The following PCDHGA6 variants were observed in gnomAD, a reference collection of about 807,000 sequenced individuals.
PCDHGA6 encodes protocadherin gamma subfamily A, 6.
A neutral mutation model predicts 60.6 loss-of-function variants in PCDHGA6; 41 were observed. The ratio of observed to expected loss-of-function variants is 0.68; its 90% CI spans 0.53 to 0.88. The LOEUF (loss-of-function observed/expected upper bound fraction) is 0.88, where lower values mean the gene tolerates loss of function less well. Among genes scored for constraint, PCDHGA6 ranks in the 40% least tolerant of loss-of-function variants. The probability of loss-of-function intolerance (pLI) is 0.00; values close to 1 mark genes in which losing one functional copy is unlikely to be tolerated. For missense variants in PCDHGA6, 1,312 were observed against 1,203.0 expected (o/e 1.09, Z -1.34); for synonymous variants, 594 against 524.4 (o/e 1.13, Z -1.81).
chr5:141,491,316 T>C lies in PCDHGA6; in HGVS notation c.2425-3491T>C. The C allele has an allele frequency of 3.1e-6, 5 of 1,614,176 alleles. No homozygotes were observed. The highest frequency in any genetic ancestry group is 3.4e-6 in the Non-Finnish European group (4 of 1,180,004). ...CTCCTGAGCGTTCAGACCTTACCCT[T>C]TACCTCATTGTGGCTCTAGCGACCG... is the stretch of plus-strand genomic sequence containing the variant. On this transcript the variant is annotated intron_variant, in intron 1 of 3. Coordinates refer to ENST00000517434, the MANE Select transcript of PCDHGA6 (RefSeq NM_018919.3). The surrounding 1 kb of genome is among the most constrained non-coding windows in gnomAD (Gnocchi z 6.9).
Position 141,485,060 on chromosome 5 carries a change from G to T in PCDHGA6, c.2425-9747G>T. The T allele has an allele frequency of 1.2e-6, 1 of 862,304 alleles. No individual in the cohort carries two copies. 53.4% of individuals were successfully genotyped at this position (862,304 alleles called of 1,614,324 possible). ...ACCCTTGCGGCGCCGGCCGAACCGC[G>T]CCAGAGCTGGCGCGGGGAAAGGGAG... On this transcript the variant is annotated intron_variant, in intron 1 of 3. Coordinates refer to ENST00000517434, the MANE Select transcript of PCDHGA6 (RefSeq NM_018919.3). The surrounding 1 kb of genome is among the most constrained non-coding windows in gnomAD (Gnocchi z 5.7).
intron 1 of PCDHGA6, chr5:141,384,667 A>G: frequency 6.2e-7 from 1 of 1,614,186 alleles, no homozygotes. Context: ...CCTGGTGACC[A>G]AGGTGGTGGC....
intron 1 of PCDHGA6, among the ~76,000 whole-genome samples, chr5:141,458,380 G>T (rs1592559992): frequency 6.6e-6 from 1 of 152,136 alleles, no homozygotes; most frequent in African/African-American, 2.4e-5. Flanking sequence ...AAGAGAGAAG[G>T]AAGACGCTCC....
intron 1 of PCDHGA6, among the ~76,000 whole-genome samples, chr5:141,472,400 G>A (rs2099279115): frequency 6.6e-6 from 1 of 152,024 alleles, no homozygotes; most frequent in East Asian, 1.9e-4. Flanking sequence ...AATTAGCCAG[G>A]CGTGGTGGCA....
rs1562144438 is a variant in PCDHGA6, at chr5:141,491,135, G to A, written c.2425-3672G>A. On this transcript the variant is annotated intron_variant, in intron 1 of 3. Transcript: ENST00000517434. The surrounding 1 kb of genome is among the most constrained non-coding windows in gnomAD (Gnocchi z 6.9). Reference sequence around the variant, plus strand: ...CACACTGGTGAGGTGCGCACAGCCCGGGCCTTACTGGAGGATGACTCTGAC... The same window carrying A: ...CACACTGGTGAGGTGCGCACAGCCCAGGCCTTACTGGAGGATGACTCTGAC... 4 of 1,614,104 alleles carry A rather than the reference G, an allele frequency of 2.5e-6. No homozygotes were observed. The highest frequency in any genetic ancestry group is 1.3e-5 in the African/African-American group (1 of 75,034).
intron 1 of PCDHGA6, chr5:141,377,329 A>G (rs2150108230): frequency 6.6e-6 from 1 of 152,270 alleles, no homozygotes; most frequent in South Asian, 2.1e-4. Flanking sequence ...GGTTTTAGCT[A>G]GCATGGTGGT....
At chr5:141,417,602 C>G in intron 1 of PCDHGA6, 1 of 510,170 alleles carries the variant, frequency 2.0e-6, no homozygotes, top group Middle Eastern at 5.2e-4. Context: ...TGGGCGCCGC[C>G]GTCGGCCAGT....
At chr5:141,415,014 C>G (rs747951360) in intron 1 of PCDHGA6, 1 of 1,613,502 alleles carries the variant, frequency 6.2e-7, no homozygotes, top group African/African-American at 1.3e-5. Flanking sequence ...ACCGTCTGCT[C>G]AAGGCCAGCG....
At chr5:141,456,171 A>ACAGGCG (rs1443838766) in intron 1 of PCDHGA6, among the ~76,000 whole-genome samples, 2 of 152,096 alleles carry the variant, frequency 1.3e-5, no homozygotes, top group East Asian at 3.9e-4. Flanking sequence ...TGCTGGGATT[A>ACAGGCG]CAGAATAATT....
At chr5:141,429,387 T>A (rs372199649) in intron 1 of PCDHGA6, among the ~76,000 whole-genome samples, 4,783 of 151,430 alleles carry the variant, frequency 0.032, 106 homozygotes, top group African/African-American at 0.043. Context: ...GTTTTTTTTT[T>A]AAAAAAAATT....
chr5:141,490,618 A>G lies in PCDHGA6; in HGVS notation c.2425-4189A>G, dbSNP rs1463273520. On this transcript the variant is annotated intron_variant, in intron 1 of 3. Transcript: ENST00000517434. The surrounding 1 kb of genome is among the most constrained non-coding windows in gnomAD (Gnocchi z 5.4). ...ACCCCGCTTCAACCAGCAGCTTTAC[A>G]CTGCTTACATCCTAGAAAACCGGCC... 4.3e-6 allele frequency: 7 copies of G among 1,613,986 alleles called. No homozygotes were observed. Among genetic ancestry groups the G allele is most frequent in the Admixed American group, 1.7e-5 (1 of 59,996 alleles).
chr5:141,433,194 A>G (rs1170543558), intron 1 of PCDHGA6: 18 of 1,585,754 alleles, frequency 1.1e-5, no homozygotes, highest in Non-Finnish European at 1.5e-5. Context: ...GTGAGTTTAT[A>G]TCAAATCTTC....
chr5:141,394,321 C>G (rs11575959), intron 1 of PCDHGA6: 43,282 of 1,613,954 alleles, frequency 0.027, 850 homozygotes, highest in African/African-American at 0.092. Flanking sequence ...CCCCTGTCCT[C>G]GTATATCTCC....
chr5:141,390,064 C>T, intron 1 of PCDHGA6: 1 of 1,614,060 alleles, frequency 6.2e-7, no homozygotes. Flanking sequence ...TGCTTCCAGC[C>T]TGGTCTCTGT....
intron 1 of PCDHGA6, chr5:141,376,739 T>C (rs1773315413): frequency 8.0e-6 from 4 of 502,200 alleles, no homozygotes; most frequent in Non-Finnish European, 1.4e-5. Flanking sequence ...GACTGCGGAC[T>C]GCAGTGGCGC....
At position 141,490,558 on chromosome 5, in the gene PCDHGA6, A is replaced by G. The variant is rs765890709; in HGVS notation, c.2425-4249A>G. 3.1e-5 allele frequency: 50 copies of G among 1,614,042 alleles called. No individual in the cohort carries two copies. The East Asian group carries it at 1.0e-3, about 34-fold the overall frequency. ...ACCTTCCCTACACAAACATCTCACC[A>G]TCAGGCTCAACATTTCAGATGTCAA... On this transcript the variant is annotated intron_variant, in intron 1 of 3. Transcript: ENST00000517434. This position sits in a 1 kb window ranked among gnomAD's most constrained non-coding sequence, Gnocchi z 5.4.
At chr5:141,388,464 A>G (rs750047903) in intron 1 of PCDHGA6, 2 of 1,613,850 alleles carry the variant, frequency 1.2e-6, no homozygotes, top group South Asian at 2.2e-5. Flanking sequence ...ATACCCTGAG[A>G]TGGTATTGAA....
Position 141,431,615 on chromosome 5 carries a change from G to A in PCDHGA6, c.2424+55108G>A. 1.2e-6 allele frequency: 2 copies of A among 1,614,236 alleles called. No homozygotes were observed. Among genetic ancestry groups the A allele is most frequent in the Non-Finnish European group, 1.7e-6 (2 of 1,180,042 alleles). ...GAGGTATTCCTTCCGGTATGTGGACGACAAGGCGGCCCAAGTTTTCAAACT... is the reference window on the plus strand; with the variant it reads ...GAGGTATTCCTTCCGGTATGTGGACAACAAGGCGGCCCAAGTTTTCAAACT... On this transcript the variant is annotated intron_variant, in intron 1 of 3. Coordinates refer to ENST00000517434, the MANE Select transcript of PCDHGA6 (RefSeq NM_018919.3). The surrounding 1 kb of genome is among the most constrained non-coding windows in gnomAD (Gnocchi z 4.8).
At position 141,409,757 on chromosome 5, in the gene PCDHGA6, G is replaced by A; in HGVS notation, c.2424+33250G>A. The A allele has an allele frequency of 6.8e-6, 11 of 1,612,986 alleles. No individual in the cohort carries two copies. The highest frequency in any genetic ancestry group is 9.3e-6 in the Non-Finnish European group (11 of 1,179,838). ...GAGCGGGGTGGTGTTCGCGCAGCGCGCCTTTGATCACGAGCAGCTGCGCGC... is the reference window on the plus strand; with the variant it reads ...GAGCGGGGTGGTGTTCGCGCAGCGCACCTTTGATCACGAGCAGCTGCGCGC... On this transcript the variant is annotated intron_variant, in intron 1 of 3. Coordinates refer to ENST00000517434, the MANE Select transcript of PCDHGA6 (RefSeq NM_018919.3).
Sources: gnomAD v4.1 joint callset for allele counts (sites outside exome capture counted in the v4.1 genomes callset) on GRCh38, gnomAD v4.1.1 for gene constraint, Gnocchi (gnomAD v3.1) non-coding constraint, MANE v1.5 for transcripts, NCBI Gene and HGNC (gene_info 2026-07-23, HGNC 2026-07-21) for gene names.